The following TASP1 variants were observed in gnomAD, a reference collection of about 807,000 sequenced individuals.
TASP1 encodes the protein taspase 1.
TASP1 carries 16 observed loss-of-function variants against 56.6 expected under a neutral mutation model. The observed-to-expected ratio is 0.28, with a 90% CI of 0.19 to 0.43. TASP1 has a LOEUF of 0.43. TASP1 is among the 20% of genes least tolerant of loss of function. The pLI is 1.00. For synonymous variants in TASP1, 179 were observed against 184.2 expected, an observed-to-expected ratio of 0.97 and a Z score of 0.23; for missense variants, 393 against 511.6, an observed-to-expected ratio of 0.77 and a Z score of 2.24.
chr20:13,276,981 T>TTAGTTC, the TASP1 span, among the ~76,000 whole-genome samples: 5 of 152,136 alleles, frequency 3.3e-5, no homozygotes, highest in African/African-American at 1.2e-4. Flanking sequence ...TGTTTTTGTT[T>TTAGTTC]TAGTTCAGTT....
intron 7 of TASP1, among the ~76,000 whole-genome samples, chr20:13,567,502 C>A (rs1272780375): frequency 1.3e-5 from 2 of 151,826 alleles, no homozygotes; most frequent in Non-Finnish European, 2.9e-5. Context: ...CTTTTAATTT[C>A]TCCAAATCTG....
chr20:13,110,509 GC>G, the TASP1 span, among the ~76,000 whole-genome samples: 1 of 152,110 alleles, frequency 6.6e-6, no homozygotes, highest in African/African-American at 2.4e-5. Context: ...ACCTTTGACT[GC>G]CCCAGAGTTT....
At chr20:13,441,925 G>A (rs183637987) in intron 11 of TASP1, among the ~76,000 whole-genome samples, 18 of 152,298 alleles carry the variant, frequency 1.2e-4, no homozygotes, top group Non-Finnish European at 2.2e-4. Context: ...TCCCAGCCAT[G>A]GCCATATCAT....
the TASP1 span, among the ~76,000 whole-genome samples, chr20:13,305,199 TA>T: frequency 0.33 from 44,681 of 136,934 alleles, 7,214 homozygotes; most frequent in African/African-American, 0.41. Context: ...GTTGAGTTGT[TA>T]AAAAAAAAAA....
chr20:13,565,770 A>G (rs1409904725), intron 7 of TASP1, among the ~76,000 whole-genome samples: 1 of 152,208 alleles, frequency 6.6e-6, no homozygotes, highest in Non-Finnish European at 1.5e-5. Flanking sequence ...TGCAGCCACT[A>G]TGGAAAACAG....
chr20:13,352,631 T>C, the TASP1 span, among the ~76,000 whole-genome samples: 1 of 152,194 alleles, frequency 6.6e-6, no homozygotes, highest in African/African-American at 2.4e-5. Context: ...TGGGTGGCTT[T>C]AGAAGCCAGT....
At chr20:13,621,167 T>C (rs565723657) in intron 4 of TASP1, among the ~76,000 whole-genome samples, 1 of 152,226 alleles carries the variant, frequency 6.6e-6, no homozygotes, top group African/African-American at 2.4e-5. Context: ...CTCATGCCTG[T>C]AATCGCAGCA....
At chr20:13,350,691 T>C in the TASP1 span, among the ~76,000 whole-genome samples, 2 of 151,982 alleles carry the variant, frequency 1.3e-5, no homozygotes. Flanking sequence ...TATTTTTATA[T>C]ATATATACAT....
At chr20:13,259,367 T>G in the TASP1 span, among the ~76,000 whole-genome samples, 3 of 151,474 alleles carry the variant, frequency 2.0e-5, no homozygotes, top group Non-Finnish European at 4.4e-5. Context: ...TTTCCCACTT[T>G]CTACTTTGCA....
At position 13,411,876 on chromosome 20, in the gene TASP1, C is replaced by T. The variant is rs115451037; in HGVS notation, c.1170+5572G>A. 7.9e-3 allele frequency among the ~76,000 whole-genome samples: 1,201 copies of T among 152,306 alleles called. 11 individuals carry two copies. The highest frequency in any genetic ancestry group is 0.028 in the African/African-American group (1,158 of 41,558). On this transcript the variant is annotated intron_variant, in intron 13 of 13. Transcript: ENST00000337743. ...CTTACCCTGGCACTAGGCTTCTGTA[C>T]AACACTGCCTGGCCCTTGATGAAGG...
At chr20:13,592,450 CACTG>C (rs1413700609) in intron 4 of TASP1, among the ~76,000 whole-genome samples, 1 of 151,596 alleles carries the variant, frequency 6.6e-6, no homozygotes, top group Non-Finnish European at 1.5e-5. Flanking sequence ...ATTAGAGGCT[CACTG>C]ACTGTCAGAA....
chr20:13,468,865 GTT>G (rs59010427), intron 11 of TASP1, among the ~76,000 whole-genome samples: 1 of 142,674 alleles, frequency 7.0e-6, no homozygotes, highest in Admixed American at 7.0e-5. Context: ...ATGTGTGTGT[GTT>G]TTTTTTTTTT....
chr20:13,409,486 G>T (rs1055526388), intron 13 of TASP1, among the ~76,000 whole-genome samples: 7 of 151,970 alleles, frequency 4.6e-5, no homozygotes, highest in Non-Finnish European at 1.5e-5. Context: ...GAAATGTCCT[G>T]TTTTATCTCA....
At chr20:13,410,348 T>A (rs530263114) in intron 13 of TASP1, among the ~76,000 whole-genome samples, 15 of 152,342 alleles carry the variant, frequency 9.8e-5, no homozygotes, top group African/African-American at 2.9e-4. Context: ...AAATACCCAG[T>A]AGTAGAAAGG....
At chr20:13,152,263 A>G in the TASP1 span, among the ~76,000 whole-genome samples, 1 of 152,204 alleles carries the variant, frequency 6.6e-6, no homozygotes, top group African/African-American at 2.4e-5. Flanking sequence ...AAATCAATAA[A>G]TGTCAAGAGC....
At chr20:13,237,880 G>C in the TASP1 span, 2 of 152,150 alleles carry the variant, frequency 1.3e-5, no homozygotes, top group African/African-American at 4.8e-5. Context: ...ATGCAGGCTG[G>C]TTTCAGTATT....
intron 8 of TASP1, among the ~76,000 whole-genome samples, chr20:13,552,260 G>A (rs1185972073): frequency 4.6e-5 from 7 of 152,092 alleles, no homozygotes; most frequent in Admixed American, 1.3e-4. Context: ...TGCACATCAC[G>A]ATCAGTGACC....
At chr20:13,548,750 T>C (rs1337696862) in intron 8 of TASP1, among the ~76,000 whole-genome samples, 2 of 152,186 alleles carry the variant, frequency 1.3e-5, no homozygotes, top group African/African-American at 2.4e-5. Context: ...TCCCAGTTCA[T>C]CTAAAATGTT....
At chr20:13,637,258 T>C (rs762145486) in intron 1 of TASP1, among the ~76,000 whole-genome samples, 8 of 152,098 alleles carry the variant, frequency 5.3e-5, no homozygotes, top group Non-Finnish European at 1.0e-4. Context: ...CCCAAGGATA[T>C]GAAAAAATCA....
Sources: gnomAD v4.1 joint callset for allele counts (sites outside exome capture counted in the v4.1 genomes callset) on GRCh38, gnomAD v4.1.1 for gene constraint, MANE v1.5 for transcripts, NCBI Gene and HGNC (gene_info 2026-07-23, HGNC 2026-07-21) for gene names.